The following NLRP7 variants were observed in gnomAD, a reference collection of about 807,000 sequenced individuals.
NLRP7 encodes the protein NACHT, LRR and PYD domains-containing protein 7.
A neutral mutation model predicts 85.5 loss-of-function variants in NLRP7; 72 were observed. The ratio of observed to expected loss-of-function variants is 0.84; its 90% CI spans 0.70 to 1.02. The LOEUF is 1.02. Among genes scored for constraint, NLRP7 ranks in the 50% least tolerant of loss-of-function variants. The pLI is 0.00. For synonymous variants in NLRP7, 550 were observed against 505.2 expected (o/e 1.09, Z -1.19); for missense variants, 1,243 against 1,219.5 (o/e 1.02, Z -0.29).
At chr19:54,961,236 C>A (rs2070031672) in intron 1 of NLRP7, among the ~76,000 whole-genome samples, 1 of 151,894 alleles carries the variant, frequency 6.6e-6, no homozygotes. Flanking sequence ...GTGGGCCAGG[C>A]ACAGTGTCTC....
At chr19:54,942,366 G>A (rs1452010524) in intron 1 of NLRP7, among the ~76,000 whole-genome samples, 1 of 151,308 alleles carries the variant, frequency 6.6e-6, no homozygotes, top group Non-Finnish European at 1.5e-5. Flanking sequence ...CTATACCAAC[G>A]TCCATGGGCT....
chr19:54,927,234 A>T (rs111829431), intron 9 of NLRP7, among the ~76,000 whole-genome samples: 2,362 of 151,992 alleles, frequency 0.016, 47 homozygotes, highest in African/African-American at 0.052. Context: ...CTAAAAAATT[A>T]GCCAGGCATG....
chr19:54,942,834 G>A (rs1442751384), intron 1 of NLRP7, among the ~76,000 whole-genome samples: 1 of 152,082 alleles, frequency 6.6e-6, no homozygotes, highest in East Asian at 1.9e-4. Flanking sequence ...AAAACAAATA[G>A]CAAGAGGACA....
At chr19:54,936,105 A>G in intron 6 of NLRP7, among the ~76,000 whole-genome samples, 156 bp downstream of exon 6, 1 of 151,946 alleles carries the variant, frequency 6.6e-6, no homozygotes, top group Non-Finnish European at 1.5e-5. Flanking sequence ...CTGGTGGGGG[A>G]AAGAGGAGAG....
Position 54,938,854 on chromosome 19 carries a change from C to T in NLRP7, c.1931+34G>A, listed in dbSNP as rs768153507. 8.1e-6 allele frequency: 13 copies of T among 1,611,178 alleles called. No homozygotes were observed. The African/African-American group carries it at 9.3e-5, about 12-fold the overall frequency. On this transcript the variant is annotated intron_variant, in intron 4 of 9. Coordinates refer to ENST00000340844, the Ensembl canonical transcript of NLRP7. ...GGGCAAAGGAGACGCTGGCCTCTTCCTAGTGGAGCGTGGGATGGGAAAACA... is the reference window on the plus strand; with the variant it reads ...GGGCAAAGGAGACGCTGGCCTCTTCTTAGTGGAGCGTGGGATGGGAAAACA...
At chr19:54,936,972 GGAGGCC>G (rs776710015) in intron 5 of NLRP7, among the ~76,000 whole-genome samples, 116 of 151,886 alleles carry the variant, frequency 7.6e-4, no homozygotes, top group South Asian at 1.5e-3. Flanking sequence ...CAGCACTTTG[GGAGGCC>G]GAGGCCGAGG....
intron 1 of NLRP7, among the ~76,000 whole-genome samples, chr19:54,955,258 G>T (rs890635870): frequency 6.6e-6 from 1 of 151,960 alleles, no homozygotes; most frequent in Non-Finnish European, 1.5e-5. Flanking sequence ...GAACCCGGGT[G>T]GCAGAGGTTG....
At chr19:54,955,230 G>A (rs1239242380) in intron 1 of NLRP7, among the ~76,000 whole-genome samples, 1 of 151,960 alleles carries the variant, frequency 6.6e-6, no homozygotes, top group Non-Finnish European at 1.5e-5. Context: ...TCAGGAGGCT[G>A]AGGCAGGAGA....
chr19:54,946,675 T>C (rs1602206085), intron 1 of NLRP7, among the ~76,000 whole-genome samples: 1 of 147,550 alleles, frequency 6.8e-6, no homozygotes, highest in Admixed American at 6.8e-5. Context: ...AGTCGCACTC[T>C]GTCTCCCAGG....
chr19:54,944,338 C>T (rs549649586), intron 1 of NLRP7, among the ~76,000 whole-genome samples: 8 of 151,946 alleles, frequency 5.3e-5, no homozygotes, highest in African/African-American at 1.9e-4. Context: ...CAATACTGCT[C>T]TTTAATGCAC....
chr19:54,935,886 TC>T (rs1228089154), intron 6 of NLRP7, among the ~76,000 whole-genome samples: 1 of 151,540 alleles, frequency 6.6e-6, no homozygotes, highest in African/African-American at 2.4e-5. Context: ...AACAGTTTCA[TC>T]CCAAAACTAC....
Position 54,934,755 on chromosome 19 carries a change from T to C in NLRP7, c.2301-96A>G. 1 of 1,045,972 alleles carries C rather than the reference T, an allele frequency of 9.6e-7. No homozygotes were observed. Among genetic ancestry groups the C allele is most frequent in the Non-Finnish European group, 1.4e-6 (1 of 727,268 alleles). 64.8% of individuals were successfully genotyped at this position (1,045,972 alleles called of 1,614,324 possible). ...GACAGAGTTTCACTCTGTTGCCCAG[T>C]CTGGAATGCAAAGGCGTGATCTCAC... On this transcript the variant is annotated intron_variant, in intron 6 of 9. Coordinates refer to ENST00000340844, the Ensembl canonical transcript of NLRP7. This position sits in a 1 kb window ranked among gnomAD's most constrained non-coding sequence, Gnocchi z 6.7.
At position 54,934,584 on chromosome 19, in the gene NLRP7, C is replaced by T. The variant is rs1247229273; in HGVS notation, c.2376G>A (p.Lys792=). 3.1e-6 allele frequency: 5 copies of T among 1,614,166 alleles called. No individual in the cohort carries two copies. The East Asian group carries it at 6.7e-5, about 22-fold the overall frequency. The change falls in exon 7 of 10, where the codon AAG becomes AAA. Residue 792 remains lysine (K), a synonymous_variant. Transcript: ENST00000340844. This position sits in a 1 kb window ranked among gnomAD's most constrained non-coding sequence, Gnocchi z 6.7. The stretch of plus-strand genomic sequence containing the variant: ...GCACATTGGCTGAGAGACGCAGGTG[C>T]TTCAGGGACTGGTTGGCTTTGAGGA...
chr19:54,927,911 G>A (rs1246199538), intron 9 of NLRP7, 136 bp from the exon 10 acceptor site: 2 of 770,314 alleles, frequency 2.6e-6, no homozygotes, highest in Non-Finnish European at 4.6e-6. Context: ...TGCCAACACG[G>A]TCAAACCCCA....
At chr19:54,958,510 T>C (rs1220561646) in intron 1 of NLRP7, among the ~76,000 whole-genome samples, 1 of 151,546 alleles carries the variant, frequency 6.6e-6, no homozygotes, top group African/African-American at 2.4e-5. Flanking sequence ...CTGGGCATAG[T>C]GGTGCATGCC....
intron 1 of NLRP7, among the ~76,000 whole-genome samples, chr19:54,964,299 C>T (rs550195850): frequency 1.4e-3 from 206 of 144,646 alleles, no homozygotes; most frequent in African/African-American, 5.0e-3. Context: ...TCACTGCAAG[C>T]TCCGCCTCCC....
intron 2 of NLRP7, 132 bp downstream of exon 2, chr19:54,941,303 A>AG: frequency 1.4e-6 from 1 of 704,240 alleles, no homozygotes. Context: ...CCAGAGGCGG[A>AG]GGTTGCAGTG....
chr19:54,934,579 A>G lies in NLRP7; in HGVS notation c.2381T>C (p.Leu794Pro), dbSNP rs2068818970. 6.2e-7 allele frequency: 1 copy of G among 1,614,130 alleles called. No homozygotes were observed. Among genetic ancestry groups the G allele is most frequent in the Non-Finnish European group, 8.5e-7 (1 of 1,179,986 alleles). The stretch of plus-strand genomic sequence containing the variant: ...CAGGAGCACATTGGCTGAGAGACGC[A>G]GGTGCTTCAGGGACTGGTTGGCTTT... Residue 794 changes from leucine to proline, a missense_variant, in exon 7 of 10, where the codon CTG becomes CCG. By Grantham distance (98) the Leu-to-Pro change is moderately conservative. Coordinates refer to ENST00000340844, the Ensembl canonical transcript of NLRP7. This position sits in a 1 kb window ranked among gnomAD's most constrained non-coding sequence, Gnocchi z 6.7.
At chr19:54,933,685 C>T in exon 8 of NLRP7, 1 of 1,614,094 alleles carries the variant, frequency 6.2e-7, no homozygotes, top group Admixed American at 1.7e-5. Context: ...TGCTGACAAC[C>T]AAGACAGCAG....
Sources: gnomAD v4.1 joint callset for allele counts (sites outside exome capture counted in the v4.1 genomes callset) on GRCh38, gnomAD v4.1.1 for gene constraint, Gnocchi (gnomAD v3.1) non-coding constraint, MANE v1.5 for transcripts, NCBI Gene and HGNC (gene_info 2026-07-23, HGNC 2026-07-21) for gene names.